The following PTPRD variants were observed in gnomAD, a reference collection of about 807,000 sequenced individuals.
PTPRD encodes receptor-type tyrosine-protein phosphatase delta.
A neutral mutation model predicts 214.5 loss-of-function variants in PTPRD; 34 were observed. That is an observed-to-expected ratio of 0.16 (90% CI 0.12 to 0.21). PTPRD has a LOEUF of 0.21. Ranked by LOEUF, PTPRD falls within the 10% of genes least tolerant of loss-of-function variation. PTPRD has a pLI of 1.00. For missense variants in PTPRD, 2,545 were observed against 2,398.7 expected (o/e 1.06, Z -1.27); for synonymous variants, 1,128 against 845.7 (o/e 1.33, Z -5.79).
At chr9:8,606,059 C>T (rs115618909) in intron 14 of PTPRD, among the ~76,000 whole-genome samples, 184 of 152,102 alleles carry the variant, frequency 1.2e-3, no homozygotes, top group African/African-American at 4.2e-3. Flanking sequence ...CCATTTTATG[C>T]TTTATAAGCA....
chr9:8,618,892 GTGTGTT>G (rs1353455007), intron 14 of PTPRD, among the ~76,000 whole-genome samples: 1 of 139,654 alleles, frequency 7.2e-6, no homozygotes, highest in Non-Finnish European at 1.5e-5. Context: ...GTGTGTGTGT[GTGTGTT>G]TGTCTGTGTT....
intron 8 of PTPRD, among the ~76,000 whole-genome samples, chr9:9,406,540 C>T (rs1292259053): frequency 6.6e-6 from 1 of 151,916 alleles, no homozygotes; most frequent in Admixed American, 6.6e-5. Flanking sequence ...CATTTATCCA[C>T]TGTAGATCAG....
chr9:9,860,066 T>C (rs528825668), intron 5 of PTPRD, among the ~76,000 whole-genome samples: 2 of 152,228 alleles, frequency 1.3e-5, no homozygotes, highest in Non-Finnish European at 2.9e-5. Context: ...GTAACATATA[T>C]GCACACAATG....
intron 5 of PTPRD, among the ~76,000 whole-genome samples, chr9:9,795,197 T>C (rs1013757881): frequency 1.7e-4 from 26 of 152,214 alleles, no homozygotes; most frequent in African/African-American, 6.0e-4. Context: ...TCCTATGGTG[T>C]TGGAAAGGCC....
chr9:9,711,443 T>C (rs565457967), intron 7 of PTPRD, among the ~76,000 whole-genome samples: 297 of 152,226 alleles, frequency 2.0e-3, no homozygotes, highest in African/African-American at 6.7e-3. Context: ...GAAAAACATA[T>C]AACTCTGGCA....
chr9:9,147,652 G>A (rs2099870957), intron 10 of PTPRD, among the ~76,000 whole-genome samples: 2 of 152,092 alleles, frequency 1.3e-5, no homozygotes, highest in Admixed American at 6.6e-5. Context: ...ATGCTTTCAA[G>A]TTACAATTGC....
At chr9:10,578,979 A>C (rs1461501398) in intron 2 of PTPRD, among the ~76,000 whole-genome samples, 1 of 152,080 alleles carries the variant, frequency 6.6e-6, no homozygotes. Context: ...GTAGGTATAC[A>C]TGTGCCATGG....
intron 9 of PTPRD, among the ~76,000 whole-genome samples, chr9:9,194,044 A>G (rs926876857): frequency 1.3e-5 from 2 of 152,148 alleles, no homozygotes; most frequent in African/African-American, 4.8e-5. Context: ...TCTGTATTAA[A>G]AATAATCTTT....
At chr9:9,783,904 T>C (rs2098890977) in intron 5 of PTPRD, among the ~76,000 whole-genome samples, 1 of 151,412 alleles carries the variant, frequency 6.6e-6, no homozygotes, top group East Asian at 2.0e-4. Flanking sequence ...CATACGCAAG[T>C]GATACTGAAG....
At chr9:9,664,820 T>C (rs1304281984) in intron 7 of PTPRD, among the ~76,000 whole-genome samples, 3 of 151,638 alleles carry the variant, frequency 2.0e-5, no homozygotes, top group Admixed American at 1.3e-4. Context: ...AGAAAGCCTC[T>C]ATCCCAGAAA....
In PTPRD at chr9:9,870,817, A is replaced by T. The variant is rs149363997; in HGVS notation, c.-368+67690T>A. Among the ~76,000 whole-genome samples, 920 of 152,236 alleles carry T rather than the reference A, an allele frequency of 6.0e-3. 5 individuals are homozygous for T. The highest frequency in any genetic ancestry group is 9.9e-3 in the Non-Finnish European group (675 of 67,986). On this transcript the variant is annotated intron_variant, in intron 5 of 45. Transcript: ENST00000381196. ...CAGATAAAGGGAAAGAGAAGGTAGG[A>T]TAGACACTTAGTGTTGAAATATCTT...
At chr9:8,383,663 G>C (rs2085930762) in intron 37 of PTPRD, among the ~76,000 whole-genome samples, 1 of 152,066 alleles carries the variant, frequency 6.6e-6, no homozygotes, top group Non-Finnish European at 1.5e-5. Context: ...CTACTAATTG[G>C]CACAGCCCAC....
intron 3 of PTPRD, among the ~76,000 whole-genome samples, chr9:10,116,815 C>T (rs1453290861): frequency 3.9e-5 from 6 of 152,158 alleles, no homozygotes; most frequent in Admixed American, 3.9e-4. Flanking sequence ...CACTCTGTTT[C>T]TCAAACATAT....
At chr9:10,167,274 T>C (rs1351891725) in intron 3 of PTPRD, among the ~76,000 whole-genome samples, 1 of 152,112 alleles carries the variant, frequency 6.6e-6, no homozygotes, top group Non-Finnish European at 1.5e-5. Context: ...TGAGCACTCA[T>C]GGCAATACAA....
intron 10 of PTPRD, among the ~76,000 whole-genome samples, chr9:9,097,876 T>C (rs10977487): frequency 0.14 from 21,484 of 151,954 alleles, 1,780 homozygotes; most frequent in East Asian, 0.23. Context: ...GGAGTAAACA[T>C]TGGGTTTGTG....
intron 34 of PTPRD, among the ~76,000 whole-genome samples, chr9:8,443,509 C>T (rs1251152702): frequency 6.6e-6 from 1 of 152,144 alleles, no homozygotes; most frequent in Non-Finnish European, 1.5e-5. Context: ...TCTGTTTTCA[C>T]AGCCCATCAA....
chr9:8,519,551 A>G (rs1359499622), intron 20 of PTPRD, among the ~76,000 whole-genome samples: 2 of 152,086 alleles, frequency 1.3e-5, no homozygotes, highest in East Asian at 3.9e-4. Context: ...GAAGTATAAC[A>G]CCCCCTAGAA....
intron 11 of PTPRD, among the ~76,000 whole-genome samples, chr9:8,925,330 G>A (rs575800524): frequency 2.6e-5 from 4 of 152,138 alleles, no homozygotes; most frequent in Admixed American, 2.6e-4. Flanking sequence ...CGAGGCAGGG[G>A]ATGCAGGGGA....
chr9:9,060,942 C>T (rs748887382), intron 10 of PTPRD, among the ~76,000 whole-genome samples: 1 of 152,092 alleles, frequency 6.6e-6, no homozygotes. Context: ...TGACTGACAG[C>T]TACTTGCAGC....
Sources: gnomAD v4.1 joint callset for allele counts (sites outside exome capture counted in the v4.1 genomes callset) on GRCh38, gnomAD v4.1.1 for gene constraint, MANE v1.5 for transcripts, NCBI Gene and HGNC (gene_info 2026-07-23, HGNC 2026-07-21) for gene names.